Variants in BLOC1S3 observed in about 807,000 individuals in gnomAD.
The protein encoded by BLOC1S3 is biogenesis of lysosome-related organelles complex 1 subunit 3.
In BLOC1S3, 7 loss-of-function variants were observed where a neutral mutation model predicts 9.1. That is an observed-to-expected ratio of 0.77 (90% CI 0.44 to 1.45). BLOC1S3 has a LOEUF of 1.45. Ranked by LOEUF, BLOC1S3 falls within the 40% of genes most tolerant of loss-of-function variation. The probability of loss-of-function intolerance (pLI) is 0.01; values close to 1 mark genes in which losing one functional copy is unlikely to be tolerated. For missense variants in BLOC1S3, 307 were observed against 315.2 expected, an observed-to-expected ratio of 0.97 and a Z score of 0.20; for synonymous variants, 145 against 158.4, an observed-to-expected ratio of 0.92 and a Z score of 0.64.
At chr19:45,208,339 G>A (rs887779623) in intron 3 of BLOC1S3, among the ~76,000 whole-genome samples, 2 of 152,034 alleles carry the variant, frequency 1.3e-5, no homozygotes, top group Non-Finnish European at 2.9e-5. Context: ...AGGTGCCATC[G>A]CTCATACCTG....
At chr19:45,189,023 T>G (rs1267146483) in intron 2 of BLOC1S3, among the ~76,000 whole-genome samples, 1 of 152,056 alleles carries the variant, frequency 6.6e-6, no homozygotes, top group Non-Finnish European at 1.5e-5. Flanking sequence ...TTGGCCTGGC[T>G]AGTCTCAAAC....
chr19:45,193,173 G>C (rs1414381183), intron 2 of BLOC1S3, among the ~76,000 whole-genome samples: 1 of 124,364 alleles, frequency 8.0e-6, no homozygotes, highest in African/African-American at 2.8e-5. Context: ...GACTATTTTT[G>C]CTACCCCGTT....
chr19:45,210,835 C>T (rs1387468375), intron 3 of BLOC1S3, among the ~76,000 whole-genome samples: 6 of 152,206 alleles, frequency 3.9e-5, no homozygotes, highest in Non-Finnish European at 5.9e-5. Context: ...TTTAATTCAA[C>T]GCCTACAGGG....
rs897831290 is a variant in BLOC1S3 at position 45,212,950 on chromosome 19, AG to A, written n.283-3723del. The A allele has an allele frequency of 4.2e-6, 5 of 1,183,910 alleles. No individual in the cohort carries two copies. The African/African-American group carries it at 6.4e-5, about 15-fold the overall frequency. 73.3% of individuals were successfully genotyped at this position (1,183,910 alleles called of 1,614,324 possible). ...TTGGGGTTGGGTGAAAAGACATCTA[AG>A]GGTCTTTCTATCCCAGGGGTGTGTG... On this transcript the variant is annotated intron_variant and non_coding_transcript_variant, in intron 3 of 3. Transcript: ENST00000591569.
intron 2 of BLOC1S3, among the ~76,000 whole-genome samples, chr19:45,197,499 C>CA (rs35735109): frequency 0.33 from 48,586 of 146,728 alleles, 8,280 homozygotes; most frequent in Non-Finnish European, 0.37. Flanking sequence ...CAACAACCAC[C>CA]AAAAAAAAAG....
chr19:45,215,032 T>C (rs1705389138), intron 3 of BLOC1S3, among the ~76,000 whole-genome samples: 1 of 151,754 alleles, frequency 6.6e-6, no homozygotes, highest in Non-Finnish European at 1.5e-5. Flanking sequence ...GGCACATGCC[T>C]ATACTTGGGA....
Position 45,179,993 on chromosome 19 carries a change from A to T in BLOC1S3, c.*88A>T. 1 of 1,439,598 alleles carries T rather than the reference A, an allele frequency of 6.9e-7. No homozygotes were observed. 89.2% of individuals were successfully genotyped at this position (1,439,598 alleles called of 1,614,324 possible). Reference sequence around the variant, plus strand: ...GACTCTGTCTCCTGTGTCTCTTATCACCCCCCACCCCCGCTCCCATCTTGG... The same window carrying T: ...GACTCTGTCTCCTGTGTCTCTTATCTCCCCCCACCCCCGCTCCCATCTTGG... On this transcript the variant is annotated 3_prime_UTR_variant, in exon 2 of 2. Transcript: ENST00000433642. This position sits in a 1 kb window ranked among gnomAD's most constrained non-coding sequence, Gnocchi z 4.6.
intron 2 of BLOC1S3, among the ~76,000 whole-genome samples, chr19:45,193,800 G>T (rs1208334167): frequency 4.7e-4 from 35 of 73,818 alleles, no homozygotes; most frequent in South Asian, 9.6e-4. Context: ...TTTTTTTTTT[G>T]TTGTTGTTGT....
intron 2 of BLOC1S3, among the ~76,000 whole-genome samples, chr19:45,191,671 C>T (rs576268887): frequency 1.8e-4 from 28 of 152,318 alleles, no homozygotes; most frequent in Non-Finnish European, 4.1e-4. Context: ...ATGCCGTGGC[C>T]CTTGGAGACT....
At chr19:45,213,837 C>T (rs1296615095) in intron 3 of BLOC1S3, among the ~76,000 whole-genome samples, 2 of 151,816 alleles carry the variant, frequency 1.3e-5, no homozygotes, top group Non-Finnish European at 2.9e-5. Flanking sequence ...GCTTGTAATC[C>T]TAGCTACTCA....
chr19:45,206,918 A>T (rs1340448189), intron 3 of BLOC1S3, among the ~76,000 whole-genome samples: 2 of 151,956 alleles, frequency 1.3e-5, no homozygotes, highest in African/African-American at 4.8e-5. Context: ...GCTCACTACA[A>T]CCTCTGCCGC....
In BLOC1S3 at chr19:45,180,190, T is replaced by A. The variant is rs6509200; in HGVS notation, c.*285T>A. 0.095 allele frequency: 34,783 copies of A among 365,040 alleles called. 2,178 individuals carry two copies. The highest frequency in any genetic ancestry group is 0.14 in the Middle Eastern group (181 of 1,326). The allele number at this position is 365,040 out of a possible 1,614,324, so 22.6% of individuals were successfully genotyped here. On this transcript the variant is annotated 3_prime_UTR_variant, in exon 2 of 2. Coordinates refer to ENST00000433642, the MANE Select transcript of BLOC1S3 (RefSeq NM_212550.5). ...CCCTGGGGCTTGGCTCCAGCCTTTGTTACATAGTTGCTCCTTAATCTGTTT... is the reference window on the plus strand; with the variant it reads ...CCCTGGGGCTTGGCTCCAGCCTTTGATACATAGTTGCTCCTTAATCTGTTT...
chr19:45,189,821 T>G (rs1208070061), intron 2 of BLOC1S3, among the ~76,000 whole-genome samples: 1 of 152,044 alleles, frequency 6.6e-6, no homozygotes, highest in African/African-American at 2.4e-5. Flanking sequence ...ATTTGGGAAG[T>G]TCTGTGTTAT....
intron 3 of BLOC1S3, among the ~76,000 whole-genome samples, chr19:45,203,235 A>G (rs968898247): frequency 3.3e-5 from 5 of 151,164 alleles, no homozygotes; most frequent in Non-Finnish European, 5.9e-5. Flanking sequence ...CAGAAATTGC[A>G]GTCCTTGTGG....
chr19:45,196,012 T>A (rs1969645967), intron 2 of BLOC1S3, among the ~76,000 whole-genome samples: 1 of 152,220 alleles, frequency 6.6e-6, no homozygotes, highest in Non-Finnish European at 1.5e-5. Context: ...CCCCTATTGA[T>A]GATCATTCAG....
chr19:45,179,147 G>A lies in BLOC1S3; in HGVS notation c.-9-141G>A, dbSNP rs377341306. The A allele has an allele frequency of 1.6e-4, 154 of 933,400 alleles. No homozygotes were observed. In the African/African-American group the frequency reaches 2.4e-3, roughly 15 times the overall value. 57.8% of individuals were successfully genotyped at this position (933,400 alleles called of 1,614,324 possible). A position where few individuals can be genotyped will look rare whatever the true frequency, so the allele number is the denominator to read the frequency against. On this transcript the variant is annotated intron_variant, in intron 1 of 1. Coordinates refer to ENST00000433642, the MANE Select transcript of BLOC1S3 (RefSeq NM_212550.5). This position sits in a 1 kb window ranked among gnomAD's most constrained non-coding sequence, Gnocchi z 4.6. ...CCCCATCATCACCCAGTTTACAGAA[G>A]AGGAAACTGAGGCCCAGACGGGGAG... is the stretch of plus-strand genomic sequence containing the variant.
At chr19:45,208,552 C>T (rs112479622) in intron 3 of BLOC1S3, among the ~76,000 whole-genome samples, 4 of 151,382 alleles carry the variant, frequency 2.6e-5, no homozygotes, top group Admixed American at 6.6e-5. Flanking sequence ...GTCAGGAGTT[C>T]GAGACCAGCC....
At chr19:45,183,601 CCTTTTCTTTTTCTTTT>C, downstream of BLOC1S3, among the ~76,000 whole-genome samples, 2 of 150,786 alleles carry the variant, frequency 1.3e-5, no homozygotes, top group South Asian at 2.1e-4. Flanking sequence ...CCAGAACTTC[CCTTTTCTTTTTCTTTT>C]CTTTTCTTTT....
At chr19:45,207,799 C>T (rs1969739291) in intron 3 of BLOC1S3, among the ~76,000 whole-genome samples, 1 of 152,240 alleles carries the variant, frequency 6.6e-6, no homozygotes, top group South Asian at 2.1e-4. Flanking sequence ...CACACGCATA[C>T]ACCTGCATAC....
Sources: allele counts gnomAD v4.1 joint callset (sites outside exome capture counted in the v4.1 genomes callset), GRCh38; gene constraint gnomAD v4.1.1; non-coding constraint Gnocchi (gnomAD v3.1); transcripts MANE v1.5; gene names NCBI Gene and HGNC (gene_info 2026-07-23, HGNC 2026-07-21).